Variants in SEMA3D observed in about 807,000 individuals in gnomAD.
The protein encoded by SEMA3D is semaphorin-3D.
A neutral mutation model predicts 100.1 loss-of-function variants in SEMA3D; 84 were observed. That is an observed-to-expected ratio of 0.84 (90% confidence interval 0.70 to 1.01). SEMA3D has a LOEUF of 1.01. SEMA3D is among the 50% of genes least tolerant of loss of function. SEMA3D has a pLI of 0.00. For synonymous variants in SEMA3D, 312 were observed against 320.7 expected (o/e 0.97, Z 0.29); for missense variants, 875 against 934.1 (o/e 0.94, Z 0.82).
At chr7:85,163,330 G>A (rs1415483193) in intron 1 of SEMA3D, among the ~76,000 whole-genome samples, 1 of 152,004 alleles carries the variant, frequency 6.6e-6, no homozygotes, top group Non-Finnish European at 1.5e-5. Flanking sequence ...TAAATCAAGA[G>A]AATTCAGTAA....
intron 4 of SEMA3D, among the ~76,000 whole-genome samples, chr7:85,086,631 C>CGTGTGT (rs58818289): frequency 5.0e-5 from 7 of 140,922 alleles, no homozygotes; most frequent in African/African-American, 1.3e-4. Flanking sequence ...TCTCTCTCTC[C>CGTGTGT]GTGTGTGTGT....
At chr7:85,222,427 G>A in the SEMA3D span, among the ~76,000 whole-genome samples, 1 of 152,034 alleles carries the variant, frequency 6.6e-6, no homozygotes, top group African/African-American at 2.4e-5. Context: ...ATTTGTGTAT[G>A]TACGTAAATA....
At chr7:85,156,657 C>T (rs1790606037) in intron 1 of SEMA3D, among the ~76,000 whole-genome samples, 1 of 151,610 alleles carries the variant, frequency 6.6e-6, no homozygotes, top group African/African-American at 2.4e-5. Flanking sequence ...CATTTTCCAC[C>T]CAAGTCATCA....
intron 3 of SEMA3D, among the ~76,000 whole-genome samples, chr7:85,105,711 T>A (rs1202258330): frequency 6.6e-6 from 1 of 152,110 alleles, no homozygotes; most frequent in Non-Finnish European, 1.5e-5. Flanking sequence ...ACAAATCAAA[T>A]TCTCTTGCTT....
At chr7:85,108,057 C>T (rs1034811143) in intron 3 of SEMA3D, among the ~76,000 whole-genome samples, 11 of 151,986 alleles carry the variant, frequency 7.2e-5, no homozygotes, top group Non-Finnish European at 1.5e-4. Context: ...TCCTCCAGTG[C>T]TCAAAGTTCA....
chr7:85,069,761 C>T (rs543661748), intron 6 of SEMA3D, among the ~76,000 whole-genome samples: 8 of 152,282 alleles, frequency 5.3e-5, no homozygotes, highest in South Asian at 4.1e-4. Context: ...GTTAATATCA[C>T]GCCTATTTAA....
chr7:85,128,924 C>T (rs1458683156), intron 2 of SEMA3D, among the ~76,000 whole-genome samples: 1 of 129,348 alleles, frequency 7.7e-6, no homozygotes, highest in Non-Finnish European at 1.6e-5. Flanking sequence ...TAGGGTCTCA[C>T]TCTGTAACTG....
intron 1 of SEMA3D, among the ~76,000 whole-genome samples, chr7:85,185,430 T>G (rs1225543775): frequency 6.6e-6 from 1 of 152,120 alleles, no homozygotes; most frequent in Non-Finnish European, 1.5e-5. Context: ...TCCCCTCTTC[T>G]TTTGCTTGTG....
chr7:85,030,555 A>G (rs897184421), intron 12 of SEMA3D, among the ~76,000 whole-genome samples: 3 of 152,110 alleles, frequency 2.0e-5, no homozygotes, highest in Non-Finnish European at 4.4e-5. Context: ...TGATTCAAGC[A>G]AAGTAAAACA....
intron 2 of SEMA3D, among the ~76,000 whole-genome samples, chr7:85,149,969 C>T (rs1790320389): frequency 6.6e-6 from 1 of 151,894 alleles, no homozygotes; most frequent in Admixed American, 6.6e-5. Flanking sequence ...GGGTCATAGC[C>T]ATGTGAAGTT....
intron 14 of SEMA3D, among the ~76,000 whole-genome samples, chr7:85,019,105 T>A (rs1292697954): frequency 6.6e-6 from 1 of 151,782 alleles, no homozygotes; most frequent in African/African-American, 2.4e-5. Context: ...ATTATATACA[T>A]ACAATATGTT....
the SEMA3D span, among the ~76,000 whole-genome samples, chr7:85,235,521 G>A: frequency 2.0e-5 from 3 of 152,150 alleles, no homozygotes; most frequent in South Asian, 2.1e-4. Context: ...GGAAGGTAAT[G>A]TTTAAAGGAG....
chr7:85,142,284 G>A, intron 2 of SEMA3D: 2 of 980,350 alleles, frequency 2.0e-6, no homozygotes, highest in South Asian at 9.4e-5. Context: ...GTAAAACACT[G>A]AGAAAGTACT....
chr7:85,155,789 A>G (rs1361602035), intron 1 of SEMA3D, among the ~76,000 whole-genome samples: 2 of 152,194 alleles, frequency 1.3e-5, no homozygotes, highest in Admixed American at 1.3e-4. Flanking sequence ...TGCATTTATC[A>G]TAGAGCAACA....
intron 5 of SEMA3D, among the ~76,000 whole-genome samples, chr7:85,076,110 A>G (rs1420867037): frequency 6.6e-6 from 1 of 152,170 alleles, no homozygotes; most frequent in Non-Finnish European, 1.5e-5. Context: ...ATTGCCCACA[A>G]TGTTGATCAT....
intron 2 of SEMA3D, chr7:85,144,484 A>AG (rs1335879901): frequency 1.0e-6 from 1 of 975,950 alleles, no homozygotes; most frequent in Non-Finnish European, 1.2e-6. Flanking sequence ...TGTGAGATAG[A>AG]GGGGAAAGAT....
At chr7:85,194,588 G>A in the SEMA3D span, among the ~76,000 whole-genome samples, 1 of 152,046 alleles carries the variant, frequency 6.6e-6, no homozygotes, top group African/African-American at 2.4e-5. Flanking sequence ...TTCAATCCAG[G>A]GTTCTACAGT....
chr7:85,173,400 C>G (rs894661162), intron 1 of SEMA3D, among the ~76,000 whole-genome samples: 6 of 152,076 alleles, frequency 3.9e-5, no homozygotes, highest in Non-Finnish European at 7.4e-5. Context: ...GCTTCTTCCT[C>G]ACATCACTGT....
chr7:85,139,122 G>C (rs1789968433), intron 2 of SEMA3D, among the ~76,000 whole-genome samples: 2 of 152,112 alleles, frequency 1.3e-5, no homozygotes, highest in African/African-American at 4.8e-5. Flanking sequence ...ACTGATCCCT[G>C]GCACACTCCA....
Sources: gnomAD v4.1 joint callset for allele counts (sites outside exome capture counted in the v4.1 genomes callset) on GRCh38, gnomAD v4.1.1 for gene constraint, MANE v1.5 for transcripts, NCBI Gene and HGNC (gene_info 2026-07-23, HGNC 2026-07-21) for gene names.